The following PDE1C variants were observed in gnomAD, a reference collection of about 807,000 sequenced individuals.
PDE1C encodes phosphodiesterase 1C, also known as dual specificity calcium/calmodulin-dependent 3',5'-cyclic nucleotide phosphodiesterase 1C.
PDE1C carries 62 observed loss-of-function variants against 93.1 expected under a neutral mutation model. The observed-to-expected ratio is 0.67, with a 90% CI of 0.54 to 0.82. The LOEUF (loss-of-function observed/expected upper bound fraction) is 0.82, where lower values mean the gene tolerates loss of function less well. Among genes scored for constraint, PDE1C ranks in the 40% least tolerant of loss-of-function variants. PDE1C has a pLI of 0.00. For synonymous variants in PDE1C, 325 were observed against 310.1 expected (o/e 1.05, Z -0.50); for missense variants, 742 against 884.6 (o/e 0.84, Z 2.04).
At chr7:32,277,568 G>A (rs1382289721) in intron 1 of PDE1C, among the ~76,000 whole-genome samples, 1 of 152,186 alleles carries the variant, frequency 6.6e-6, no homozygotes, top group African/African-American at 2.4e-5. Context: ...GAACCTGGGA[G>A]CAACTGACAG....
the PDE1C span, among the ~76,000 whole-genome samples, chr7:31,644,874 G>A: frequency 1.3e-5 from 2 of 152,182 alleles, no homozygotes; most frequent in African/African-American, 2.4e-5. Context: ...GTGGAACCAC[G>A]ATTTACTGAG....
rs115396738 is a variant in PDE1C, at chr7:32,110,365, T to A, written c.308+59420A>T. Among the ~76,000 whole-genome samples, 368 of 152,320 alleles carry A rather than the reference T, an allele frequency of 2.4e-3. 1 individual carries two copies. The highest frequency in any genetic ancestry group is 8.3e-3 in the African/African-American group (344 of 41,574). ...AACCATCAGATCTCATGAGACTCATTCACTATCATGAGATTAGCACAGGAA... is the reference window on the plus strand; with the variant it reads ...AACCATCAGATCTCATGAGACTCATACACTATCATGAGATTAGCACAGGAA... On this transcript the variant is annotated intron_variant, in intron 3 of 18. Coordinates refer to the PDE1C transcript ENST00000396193.
intron 1 of PDE1C, among the ~76,000 whole-genome samples, chr7:32,260,472 G>A (rs1400587701): frequency 6.6e-6 from 1 of 152,184 alleles, no homozygotes; most frequent in East Asian, 1.9e-4. Context: ...CCTCAAATTT[G>A]TTCACTTTGA....
chr7:32,222,898 A>C (rs1806981361), intron 1 of PDE1C, among the ~76,000 whole-genome samples: 1 of 152,176 alleles, frequency 6.6e-6, no homozygotes, highest in Non-Finnish European at 1.5e-5. Flanking sequence ...AAAATTCATC[A>C]GGACAAAAAT....
intron 1 of PDE1C, among the ~76,000 whole-genome samples, chr7:32,320,622 T>TACATAC (rs1783270772): frequency 6.7e-6 from 1 of 149,554 alleles, no homozygotes; most frequent in African/African-American, 2.5e-5. Flanking sequence ...GGCACACACA[T>TACATAC]ACACACACAC....
chr7:31,944,117 CTT>C (rs1806241985), intron 2 of PDE1C, among the ~76,000 whole-genome samples: 1 of 152,110 alleles, frequency 6.6e-6, no homozygotes, highest in Non-Finnish European at 1.5e-5. Flanking sequence ...TCCTTTTCAC[CTT>C]GTCATTAAAA....
intron 2 of PDE1C, among the ~76,000 whole-genome samples, chr7:32,209,197 T>G (rs2240675): frequency 0.36 from 54,493 of 152,062 alleles, 10,891 homozygotes; most frequent in Admixed American, 0.49. Flanking sequence ...TGAGGCTTCA[T>G]GGTTCTAAAA....
intron 1 of PDE1C, among the ~76,000 whole-genome samples, chr7:32,058,598 G>A (rs973243850): frequency 4.6e-5 from 7 of 152,110 alleles, no homozygotes; most frequent in South Asian, 2.1e-4. Flanking sequence ...ATTAATCTAC[G>A]CGCTACTGAG....
chr7:31,643,232 A>T, the PDE1C span: 1 of 1,613,896 alleles, frequency 6.2e-7, no homozygotes, highest in Non-Finnish European at 8.5e-7. Flanking sequence ...CGAGAAGAGG[A>T]AAGCAGTGGA....
chr7:32,355,501 C>G lies in PDE1C; in HGVS notation c.310+72321G>C, dbSNP rs576148425. Among the ~76,000 whole-genome samples, 4 of 147,978 alleles carry G rather than the reference C, an allele frequency of 2.7e-5. No individual in the cohort carries two copies. The South Asian group carries it at 7.3e-4, about 27-fold the overall frequency. On this transcript the variant is annotated intron_variant, in intron 1 of 1. Transcript: ENST00000672256. ...TGCCCCTCCCTTTTCTGCAATGTGT[C>G]CCCCACCATCCCCTCAAATCTTTCT...
At chr7:32,260,140 T>G (rs1033407720) in intron 1 of PDE1C, among the ~76,000 whole-genome samples, 1 of 152,194 alleles carries the variant, frequency 6.6e-6, no homozygotes, top group Non-Finnish European at 1.5e-5. Context: ...TTTAGGGTTT[T>G]GGCTTCAGGT....
chr7:31,803,370 A>G (rs897083548), intron 16 of PDE1C, among the ~76,000 whole-genome samples: 2 of 151,296 alleles, frequency 1.3e-5, no homozygotes, highest in Non-Finnish European at 3.0e-5. Flanking sequence ...TCAGTTCTGC[A>G]TTGGTTTCAA....
intron 2 of PDE1C, among the ~76,000 whole-genome samples, chr7:31,926,710 C>G (rs553843536): frequency 6.6e-6 from 1 of 152,310 alleles, no homozygotes; most frequent in Admixed American, 6.5e-5. Context: ...CTCCTCTAGC[C>G]AAGGGAAGCT....
chr7:31,876,816 T>G (rs1213187969), intron 5 of PDE1C, among the ~76,000 whole-genome samples: 2 of 152,076 alleles, frequency 1.3e-5, no homozygotes. Context: ...CTTCCTGCTT[T>G]TAAGATTAGG....
the PDE1C span, chr7:31,696,932 C>T: frequency 3.1e-6 from 5 of 1,606,732 alleles, no homozygotes; most frequent in Admixed American, 8.4e-5. Context: ...TGTATTTGAT[C>T]CTGTTTCTCT....
At chr7:32,336,011 C>G (rs1011194633) in intron 1 of PDE1C, among the ~76,000 whole-genome samples, 1 of 152,116 alleles carries the variant, frequency 6.6e-6, no homozygotes. Context: ...TTTAAAGACC[C>G]TATATCCAAC....
chr7:32,110,652 C>T (rs937231029), intron 3 of PDE1C, among the ~76,000 whole-genome samples: 3 of 152,102 alleles, frequency 2.0e-5, no homozygotes, highest in East Asian at 3.9e-4. Flanking sequence ...GTTTTCTGAG[C>T]GTTGAATTCT....
At chr7:31,834,768 G>A (rs1790850853) in intron 11 of PDE1C, among the ~76,000 whole-genome samples, 1 of 152,032 alleles carries the variant, frequency 6.6e-6, no homozygotes, top group Non-Finnish European at 1.5e-5. Context: ...GGACTTTTGA[G>A]TTAATGCAGA....
intron 3 of PDE1C, among the ~76,000 whole-genome samples, chr7:32,089,569 C>T (rs570840480): frequency 6.6e-6 from 1 of 152,290 alleles, no homozygotes; most frequent in South Asian, 2.1e-4. Context: ...CAAGTGCAGA[C>T]ACTGGCAATG....
Sources: gnomAD v4.1 joint callset for allele counts (sites outside exome capture counted in the v4.1 genomes callset) on GRCh38, gnomAD v4.1.1 for gene constraint, MANE v1.5 for transcripts, NCBI Gene and HGNC (gene_info 2026-07-23, HGNC 2026-07-21) for gene names.